LRP1B: variants seen among roughly 807,000 people sequenced by gnomAD.
LRP1B encodes low-density lipoprotein receptor-related protein 1B.
Under a neutral mutation model 556.6 loss-of-function variants are expected in LRP1B, and 217 were observed. That is an observed-to-expected ratio of 0.39 (90% CI 0.35 to 0.44). The LOEUF (loss-of-function observed/expected upper bound fraction) is 0.44, where lower values mean the gene tolerates loss of function less well. LRP1B is among the 20% of genes least tolerant of loss of function. LRP1B has a pLI of 1.00. For missense variants in LRP1B, 5,053 were observed against 5,620.8 expected, an observed-to-expected ratio of 0.90 and a Z score of 3.23; for synonymous variants, 2,047 against 1,865.8, an observed-to-expected ratio of 1.10 and a Z score of -2.50.
At chr2:140,487,892 C>T (rs1688538426) in intron 57 of LRP1B, among the ~76,000 whole-genome samples, 153 bp from the exon 58 acceptor site, 3 of 152,026 alleles carry the variant, frequency 2.0e-5, no homozygotes, top group Admixed American at 2.0e-4. Context: ...TTAAAAGTAT[C>T]ATATATTCAC....
In LRP1B at chr2:140,270,222, T is replaced by G; in HGVS notation, c.13247+20A>C. On this transcript the variant is annotated intron_variant, in intron 86 of 90. Coordinates refer to ENST00000389484, the MANE Select transcript of LRP1B (RefSeq NM_018557.3). ...ACAAAGGCTTATTATAAGATGCCCATGACTTGATTAAATACTCACAGACAC... is the reference window on the plus strand; with the variant it reads ...ACAAAGGCTTATTATAAGATGCCCAGGACTTGATTAAATACTCACAGACAC... 1.9e-6 allele frequency: 3 copies of G among 1,570,720 alleles called. No individual in the cohort carries two copies. Among genetic ancestry groups the G allele is most frequent in the Non-Finnish European group, 1.8e-6 (2 of 1,141,428 alleles).
intron 7 of LRP1B, among the ~76,000 whole-genome samples, chr2:141,166,970 C>CCT: frequency 6.6e-6 from 1 of 152,016 alleles, no homozygotes; most frequent in East Asian, 1.9e-4. Flanking sequence ...GAACATGGAA[C>CCT]CTCTATACTT....
At chr2:140,845,309 T>C (rs986368161) in intron 29 of LRP1B, among the ~76,000 whole-genome samples, 1 of 152,032 alleles carries the variant, frequency 6.6e-6, no homozygotes, top group African/African-American at 2.4e-5. Context: ...ATTGAATGAG[T>C]CTTCATTGAG....
At chr2:140,370,141 C>A (rs75111344) in intron 71 of LRP1B, among the ~76,000 whole-genome samples, 1 of 151,884 alleles carries the variant, frequency 6.6e-6, no homozygotes, top group Non-Finnish European at 1.5e-5. Context: ...ATAATCTTCG[C>A]ACAGCTAGGA....
At chr2:140,261,978 T>C (rs982902282) in intron 86 of LRP1B, among the ~76,000 whole-genome samples, 1 of 152,184 alleles carries the variant, frequency 6.6e-6, no homozygotes, top group South Asian at 2.1e-4. Flanking sequence ...AAATACTTTA[T>C]ATTATTCTCT....
Position 140,509,997 on chromosome 2 carries a change from G to A in LRP1B, c.8329C>T (p.Arg2777Ter), listed in dbSNP as rs371528816. 1.2e-6 allele frequency: 2 copies of A among 1,613,822 alleles called. No individual in the cohort carries two copies. Among genetic ancestry groups the A allele is most frequent in the African/African-American group, 1.3e-5 (1 of 74,880 alleles). The change falls in exon 52 of 91, where the codon CGA (arginine) becomes TGA (stop). Residue 2777 changes from arginine (R) to a stop codon, truncating the protein, a stop_gained. Transcript: ENST00000389484. LOFTEE classifies it high-confidence loss of function. ...SCQGSRACVP[R>*]HWLCDGERDC... is the part of the protein sequence containing the mutation. Reference sequence around the variant, plus strand: ...CTTTCACCATCACAAAGCCAATGTCGGGGCACGCAGGCACGAGAGCCCTGG... The same window carrying A: ...CTTTCACCATCACAAAGCCAATGTCAGGGCACGCAGGCACGAGAGCCCTGG...
chr2:141,822,124 C>CAGAGAGAGAG (rs1390471936), intron 1 of LRP1B, among the ~76,000 whole-genome samples: 4,650 of 110,564 alleles, frequency 0.042, 105 homozygotes, highest in African/African-American at 0.053. Context: ...CACACACACA[C>CAGAGAGAGAG]ACACACAGAG....
intron 50 of LRP1B, among the ~76,000 whole-genome samples, chr2:140,515,878 C>T (rs546476821): frequency 1.3e-5 from 2 of 152,096 alleles, no homozygotes; most frequent in East Asian, 1.9e-4. Flanking sequence ...ACAGAAAATC[C>T]GTTTTTAATC....
intron 2 of LRP1B, among the ~76,000 whole-genome samples, chr2:141,606,125 C>T (rs1017942146): frequency 3.9e-5 from 6 of 152,158 alleles, no homozygotes; most frequent in Non-Finnish European, 7.4e-5. Context: ...CCATGATGCT[C>T]TTCCATGGGA....
At chr2:140,411,635 T>C (rs1462815907) in intron 66 of LRP1B, among the ~76,000 whole-genome samples, 1 of 152,106 alleles carries the variant, frequency 6.6e-6, no homozygotes, top group East Asian at 1.9e-4. Context: ...AGGATTTCTG[T>C]TACTTATATG....
At chr2:140,882,555 G>A (rs1245212560) in intron 25 of LRP1B, among the ~76,000 whole-genome samples, 2 of 152,276 alleles carry the variant, frequency 1.3e-5, no homozygotes, top group African/African-American at 2.4e-5. Context: ...ACTAATTCAA[G>A]TAAATTTAAA....
chr2:140,898,960 C>A, intron 23 of LRP1B: 1 of 379,404 alleles, frequency 2.6e-6, no homozygotes, highest in Non-Finnish European at 5.2e-6. Flanking sequence ...CCTTAAAATT[C>A]TTCACCTGGA....
chr2:141,964,280 T>C (rs1340776945), intron 1 of LRP1B, among the ~76,000 whole-genome samples: 1 of 150,664 alleles, frequency 6.6e-6, no homozygotes, highest in African/African-American at 2.4e-5. Flanking sequence ...AGAGCCTGCA[T>C]CGCCAAGTCA....
intron 25 of LRP1B, among the ~76,000 whole-genome samples, chr2:140,874,678 T>C (rs2105169808): frequency 6.6e-6 from 1 of 152,160 alleles, no homozygotes; most frequent in African/African-American, 2.4e-5. Context: ...TACGTGCTTT[T>C]AAAGTACTTG....
chr2:141,138,811 A>T (rs1289890606), intron 7 of LRP1B, among the ~76,000 whole-genome samples: 6 of 151,934 alleles, frequency 3.9e-5, no homozygotes, highest in African/African-American at 1.4e-4. Flanking sequence ...TATCAGTTCA[A>T]TGAAATATCC....
intron 1 of LRP1B, among the ~76,000 whole-genome samples, chr2:142,109,963 G>T (rs188669354): frequency 1.3e-5 from 2 of 152,168 alleles, no homozygotes; most frequent in Non-Finnish European, 2.9e-5. Flanking sequence ...TGCTTGGTTT[G>T]GTTGTTTTCA....
In LRP1B at chr2:140,994,049, A is replaced by C. The variant is rs1310736979; in HGVS notation, c.2590T>G (p.Cys864Gly). The change falls in exon 16 of 91, where the codon TGT becomes GGT. Residue 864 changes from cysteine (C) to glycine (G), a missense_variant. Physicochemically the swap from Cys to Gly is radical, Grantham distance 159. This residue lies in a region of LRP1B where 3,619 missense variants were observed against 3,931.9 expected (regional missense o/e 0.92). Transcript: ENST00000389484. ...TCTAGGCAGTCATCGTCGCCATCAC[A>C]TTTCCACCGAGCTTGGATACAGTGT... is the stretch of plus-strand genomic sequence containing the variant. ...NRHCIQARWK[C>G]DGDDDCLDGS... The C allele has an allele frequency of 6.2e-7, 1 of 1,612,718 alleles. No individual in the cohort carries two copies. The highest frequency in any genetic ancestry group is 2.2e-5 in the East Asian group (1 of 44,762).
At chr2:141,332,696 CTTTTTG>C (rs1310250048) in intron 3 of LRP1B, among the ~76,000 whole-genome samples, 1 of 136,856 alleles carries the variant, frequency 7.3e-6, no homozygotes, top group Non-Finnish European at 1.6e-5. Context: ...TCACGGTGGC[CTTTTTG>C]TTTTTGTTTT....
At chr2:141,789,304 C>T (rs1444429024) in intron 2 of LRP1B, among the ~76,000 whole-genome samples, 1 of 151,910 alleles carries the variant, frequency 6.6e-6, no homozygotes, top group African/African-American at 2.4e-5. Flanking sequence ...ATTTTAGTAT[C>T]ACTCTTAGTA....
Sources: allele counts gnomAD v4.1 joint callset (sites outside exome capture counted in the v4.1 genomes callset), GRCh38; gene constraint gnomAD v4.1.1; regional missense constraint gnomAD v4.1.1; transcripts MANE v1.5; gene names NCBI Gene and HGNC (gene_info 2026-07-23, HGNC 2026-07-21).